Variants in CCNJL observed in about 807,000 individuals in gnomAD.
CCNJL encodes the protein cyclin-J-like protein.
Under a neutral mutation model 33.4 loss-of-function variants are expected in CCNJL, and 33 were observed. That is an observed-to-expected ratio of 0.99 (90% confidence interval 0.75 to 1.32). CCNJL has a LOEUF of 1.32. CCNJL is among the 40% of genes most tolerant of loss of function. The pLI is 0.00. For missense variants in CCNJL, 512 were observed against 499.7 expected, an observed-to-expected ratio of 1.02 and a Z score of -0.23; for synonymous variants, 227 against 220.9, an observed-to-expected ratio of 1.03 and a Z score of -0.24.
chr5:160,284,136 G>C (rs1031316577), intron 2 of CCNJL, among the ~76,000 whole-genome samples: 1 of 152,136 alleles, frequency 6.6e-6, no homozygotes. Context: ...TGGATCGCTT[G>C]AGTTTAGGAG....
chr5:160,332,889 G>C (rs1763627453), intron 1 of CCNJL, among the ~76,000 whole-genome samples: 2 of 152,040 alleles, frequency 1.3e-5, no homozygotes, highest in Admixed American at 1.3e-4. Flanking sequence ...TAAAGTCCAT[G>C]ATGGCAGAAA....
At chr5:160,256,360 G>T (rs1311106408) in intron 4 of CCNJL, among the ~76,000 whole-genome samples, 1 of 152,126 alleles carries the variant, frequency 6.6e-6, no homozygotes, top group South Asian at 2.1e-4. Flanking sequence ...TTCCGTTTTG[G>T]GGTATGACTT....
chr5:160,337,672 G>A (rs1346781162), intron 1 of CCNJL, among the ~76,000 whole-genome samples: 1 of 152,118 alleles, frequency 6.6e-6, no homozygotes, highest in East Asian at 1.9e-4. Context: ...CCAACAAAAT[G>A]TTGCCAGGTT....
chr5:160,333,906 C>T (rs1203823966), intron 1 of CCNJL, among the ~76,000 whole-genome samples: 2 of 152,146 alleles, frequency 1.3e-5, no homozygotes, highest in African/African-American at 4.8e-5. Context: ...ATTGCTTCAT[C>T]AGAATTCTTG....
chr5:160,335,746 G>GA (rs141030863), intron 1 of CCNJL, among the ~76,000 whole-genome samples: 17,839 of 127,420 alleles, frequency 0.14, 1,414 homozygotes, highest in African/African-American at 0.24. Context: ...TTTTTTTTTT[G>GA]AAATTTTTTT....
chr5:160,266,064 T>C (rs1761572594), intron 3 of CCNJL, among the ~76,000 whole-genome samples: 1 of 152,174 alleles, frequency 6.6e-6, no homozygotes, highest in Admixed American at 6.5e-5. Flanking sequence ...CAGGTGCTGA[T>C]GATAAAGGAA....
chr5:160,326,746 C>A, intron 1 of CCNJL: 1 of 878,202 alleles, frequency 1.1e-6, no homozygotes, highest in Non-Finnish European at 1.9e-6. Context: ...TGCAGCCCAT[C>A]AATCTCATCT....
Position 160,250,488 on chromosome 5 carries a change from A to C in CCNJL, c.*2890T>G, listed in dbSNP as rs1760774943. On this transcript the variant is annotated 3_prime_UTR_variant, in exon 6 of 6. Transcript: ENST00000257536. ...CCATTCCTCCCCTAATTGTCTAATCAAAGGCATCTGCACTTAGCAAATGTC... is the reference window on the plus strand; with the variant it reads ...CCATTCCTCCCCTAATTGTCTAATCCAAGGCATCTGCACTTAGCAAATGTC... 6.6e-6 allele frequency: 1 copy of C among 152,222 alleles called. No individual in the cohort carries two copies. The highest frequency in any genetic ancestry group is 2.1e-4 in the South Asian group (1 of 4,830). The allele number at this position is 152,222 out of a possible 1,614,324, so 9.4% of individuals were successfully genotyped here.
chr5:160,254,427 C>G, intron 5 of CCNJL: 1 of 542,758 alleles, frequency 1.8e-6, no homozygotes. Flanking sequence ...AGGCATGCAC[C>G]GACACTCAGA....
At chr5:160,254,333 G>T (rs966090520) in intron 5 of CCNJL, 4 of 665,538 alleles carry the variant, frequency 6.0e-6, no homozygotes. Context: ...TCTGAAAAGG[G>T]GGCTGGAACA....
At position 160,296,154 on chromosome 5, in the gene CCNJL, T is replaced by C. The variant is rs545020104; in HGVS notation, c.67-15416A>G. On this transcript the variant is annotated intron_variant, in intron 2 of 5. Coordinates refer to ENST00000257536, the MANE Select transcript of CCNJL (RefSeq NM_001308173.3). ...CATGCAGATATTCAAGAACCACCAG[T>C]GCCTTGGTCAGTACATTTAACTCAT... is the stretch of plus-strand genomic sequence containing the variant. Among the ~76,000 whole-genome samples, 6 of 152,306 alleles carry C rather than the reference T, an allele frequency of 3.9e-5. No homozygotes were observed. The South Asian group carries it at 6.2e-4, about 16-fold the overall frequency.
intron 2 of CCNJL, among the ~76,000 whole-genome samples, chr5:160,306,735 G>A (rs115223645): frequency 0.011 from 1,615 of 152,322 alleles, 14 homozygotes; most frequent in Non-Finnish European, 0.017. Flanking sequence ...AAAAGGAGAC[G>A]AGTGCAAGTT....
chr5:160,300,289 G>A (rs938332574), intron 2 of CCNJL, among the ~76,000 whole-genome samples: 4 of 152,142 alleles, frequency 2.6e-5, no homozygotes, highest in Non-Finnish European at 5.9e-5. Flanking sequence ...GGAGCTGGAG[G>A]AGTTTTCCAG....
chr5:160,279,901 A>G (rs1762148061), intron 3 of CCNJL, among the ~76,000 whole-genome samples: 1 of 152,252 alleles, frequency 6.6e-6, no homozygotes. Flanking sequence ...TCCGAGTAGC[A>G]GCGAATTAAC....
At chr5:160,293,700 G>A (rs1762659663) in intron 2 of CCNJL, among the ~76,000 whole-genome samples, 1 of 152,096 alleles carries the variant, frequency 6.6e-6, no homozygotes, top group African/African-American at 2.4e-5. Context: ...CACCCTCCGA[G>A]GTGGAACCAG....
intron 2 of CCNJL, among the ~76,000 whole-genome samples, chr5:160,291,835 G>A (rs750778429): frequency 7.9e-5 from 12 of 152,172 alleles, no homozygotes; most frequent in Non-Finnish European, 1.8e-4. Flanking sequence ...AGGCAGCCAA[G>A]TGCTGGGTGT....
chr5:160,338,838 C>A (rs1763714450), intron 1 of CCNJL, among the ~76,000 whole-genome samples: 1 of 152,058 alleles, frequency 6.6e-6, no homozygotes. Context: ...GTCACCCAGA[C>A]TGGAGTGCAG....
chr5:160,331,084 A>G (rs921649302), intron 1 of CCNJL, among the ~76,000 whole-genome samples: 24 of 152,022 alleles, frequency 1.6e-4, no homozygotes, highest in African/African-American at 5.8e-4. Context: ...ATGGTCTTGC[A>G]CCATCCATGG....
chr5:160,299,943 A>T (rs1432014369), intron 2 of CCNJL, among the ~76,000 whole-genome samples: 2 of 151,884 alleles, frequency 1.3e-5, no homozygotes, highest in East Asian at 3.9e-4. Flanking sequence ...GACGGACCGC[A>T]GTGTGGCCAA....
Sources: allele counts gnomAD v4.1 joint callset (sites outside exome capture counted in the v4.1 genomes callset), GRCh38; gene constraint gnomAD v4.1.1; transcripts MANE v1.5; gene names NCBI Gene and HGNC (gene_info 2026-07-23, HGNC 2026-07-21).